Variants in SS18L1 observed in about 807,000 individuals in gnomAD.
The protein encoded by SS18L1 is SS18L1 subunit of BAF chromatin remodeling complex.
SS18L1 carries 32 observed loss-of-function variants against 70.3 expected under a neutral mutation model. The observed-to-expected ratio is 0.46, with a 90% CI of 0.34 to 0.61. The LOEUF is 0.61. SS18L1 is among the 20% of genes least tolerant of loss of function. The pLI, the probability that SS18L1 is intolerant of heterozygous loss-of-function variation, is 0.01. For synonymous variants in SS18L1, 237 were observed against 229.7 expected (o/e 1.03, Z -0.29); for missense variants, 430 against 542.1 (o/e 0.79, Z 2.05).
At position 62,181,741 on chromosome 20, in the gene SS18L1, C is replaced by T. The variant is rs372611129; in HGVS notation, c.*2533C>T. 2 of 224,024 alleles carry T rather than the reference C, an allele frequency of 8.9e-6. No homozygotes were observed. The highest frequency in any genetic ancestry group is 4.5e-5 in the African/African-American group (2 of 44,712). 13.9% of individuals were successfully genotyped at this position (224,024 alleles called of 1,614,324 possible). On this transcript the variant is annotated 3_prime_UTR_variant, in exon 11 of 11. Coordinates refer to ENST00000331758, the MANE Select transcript of SS18L1 (RefSeq NM_198935.3). ...TGTAATATTATGGGGAAAGTGATGCCAGCAGTTCCTTTTCATTATTCTATC... is the reference window on the plus strand; with the variant it reads ...TGTAATATTATGGGGAAAGTGATGCTAGCAGTTCCTTTTCATTATTCTATC...
intron 5 of SS18L1, 22 bp downstream of exon 5, chr20:62,162,953 C>T: frequency 2.5e-6 from 4 of 1,609,318 alleles, no homozygotes; most frequent in Non-Finnish European, 3.4e-6. Context: ...GCCTCTGCAA[C>T]CCCGGGGGGC....
chr20:62,165,440 A>G lies in SS18L1; in HGVS notation c.842A>G (p.Tyr281Cys). 1 of 1,612,842 alleles carries G rather than the reference A, an allele frequency of 6.2e-7. No individual in the cohort carries two copies. The highest frequency in any genetic ancestry group is 1.3e-5 in the African/African-American group (1 of 75,042). Residue 281 changes from tyrosine to cysteine, a missense_variant, in exon 8 of 11, where the codon TAC becomes TGC. Physicochemically the swap from Tyr to Cys is radical, Grantham distance 194. Coordinates refer to ENST00000331758, the MANE Select transcript of SS18L1 (RefSeq NM_198935.3). ...YYPDGHGDYA[Y>C]QQSSYTEQSY... The stretch of plus-strand genomic sequence containing the variant: ...CGCACAGGCCATGGCGATTACGCCT[A>G]CCAGCAGTCATCCTACACGGAGCAG...
chr20:62,182,484 C>T lies in SS18L1; in HGVS notation c.*3276C>T, dbSNP rs141316717. The T allele has an allele frequency of 5.4e-6, 1 of 186,726 alleles. No individual in the cohort carries two copies. The allele number at this position is 186,726 out of a possible 1,614,324, so 11.6% of individuals were successfully genotyped here. A position where few individuals can be genotyped will look rare whatever the true frequency, so the allele number is the denominator to read the frequency against. ...CTTAATAAACTGGTTCTTCAAAAAT[C>T]ATCCTATAAAGTGAGTTTTCATGAA... On this transcript the variant is annotated 3_prime_UTR_variant, in exon 11 of 11. Coordinates refer to ENST00000331758, the MANE Select transcript of SS18L1 (RefSeq NM_198935.3).
chr20:62,162,961 G>A, intron 5 of SS18L1, 30 bp downstream of exon 5: 1 of 1,605,282 alleles, frequency 6.2e-7, no homozygotes, highest in Middle Eastern at 1.7e-4. Context: ...AACCCCGGGG[G>A]GCCTGGGCCT....
At chr20:62,160,386 G>GTGGGGAGAGGTGGGA (rs1391423084) in intron 3 of SS18L1, among the ~76,000 whole-genome samples, 2 of 135,388 alleles carry the variant, frequency 1.5e-5, no homozygotes, top group East Asian at 2.2e-4. Flanking sequence ...GAGAGGTGGG[G>GTGGGGAGAGGTGGGA]TGGGGAGAGG....
rs201359766 is a variant in SS18L1 at position 62,182,386 on chromosome 20, AAAC to A, written c.*3180_*3182del. 6.6e-3 allele frequency: 1,345 copies of A among 203,788 alleles called. 14 individuals are homozygous for A. The highest frequency in any genetic ancestry group is 0.029 in the African/African-American group (1,275 of 43,474). The allele number at this position is 203,788 out of a possible 1,614,324, so 12.6% of individuals were successfully genotyped here. A position where few individuals can be genotyped will look rare whatever the true frequency, so the allele number is the denominator to read the frequency against. Reference sequence around the variant, plus strand: ...TATTTGTGAGTACAGTACATTTAAAAAACATCCTTATCGGTTATTTTTTTTTCA... The same window carrying A: ...TATTTGTGAGTACAGTACATTTAAAAATCCTTATCGGTTATTTTTTTTTCA... On this transcript the variant is annotated 3_prime_UTR_variant, in exon 11 of 11. Coordinates refer to ENST00000331758, the MANE Select transcript of SS18L1 (RefSeq NM_198935.3).
chr20:62,173,337 CGTG>C (rs11469669), intron 9 of SS18L1, among the ~76,000 whole-genome samples: 13,574 of 152,216 alleles, frequency 0.089, 728 homozygotes, highest in South Asian at 0.2. Flanking sequence ...GCTCCACACA[CGTG>C]GTTTCTTATG....
intron 1 of SS18L1, among the ~76,000 whole-genome samples, chr20:62,144,815 C>T (rs2056994389): frequency 6.6e-6 from 1 of 152,252 alleles, no homozygotes; most frequent in South Asian, 2.1e-4. Context: ...GTCACAACAT[C>T]TGTTGGAATG....
chr20:62,160,527 C>T (rs1382390109), intron 3 of SS18L1, among the ~76,000 whole-genome samples: 1 of 152,178 alleles, frequency 6.6e-6, no homozygotes, highest in African/African-American at 2.4e-5. Context: ...ATGCCCAGCA[C>T]AGTAAATTCT....
intron 10 of SS18L1, among the ~76,000 whole-genome samples, chr20:62,176,085 T>C (rs565964788): frequency 1.3e-4 from 20 of 152,380 alleles, no homozygotes; most frequent in African/African-American, 4.3e-4. Flanking sequence ...ATTAGAATTA[T>C]ATGTGAATGA....
intron 8 of SS18L1, among the ~76,000 whole-genome samples, chr20:62,171,897 T>C (rs956918580): frequency 6.6e-6 from 1 of 152,156 alleles, no homozygotes; most frequent in African/African-American, 2.4e-5. Flanking sequence ...GCACCGTGGC[T>C]CACGCCTGTA....
At position 62,162,656 on chromosome 20, in the gene SS18L1, C is replaced by T. The variant is rs2057350317; in HGVS notation, c.377-96C>T. 7.3e-6 allele frequency: 10 copies of T among 1,368,706 alleles called. 1 individual carries two copies. Among genetic ancestry groups the T allele is most frequent in the South Asian group, 4.3e-5 (3 of 69,792 alleles). The allele number at this position is 1,368,706 out of a possible 1,614,324, so 84.8% of individuals were successfully genotyped here. A position where few individuals can be genotyped will look rare whatever the true frequency, so the allele number is the denominator to read the frequency against. On this transcript the variant is annotated intron_variant, in intron 4 of 10. Transcript: ENST00000331758. The stretch of plus-strand genomic sequence containing the variant: ...ATAGTGCTGTTGATAGCAACTCTTC[C>T]CAAAGTCACTTGAAGGGAAATTGGG...
rs2057267163 is a variant in SS18L1 at position 62,158,660 on chromosome 20, C to T, written c.70-12C>T. Reference sequence around the variant, plus strand: ...CCCGCGTCGGCAGCGCCCGCTCACGCTCTCTCCGCAGATGCTGGACGAGAA... The same window carrying T: ...CCCGCGTCGGCAGCGCCCGCTCACGTTCTCTCCGCAGATGCTGGACGAGAA... On this transcript the variant is annotated splice_polypyrimidine_tract_variant and intron_variant, in intron 1 of 10. Transcript: ENST00000331758. This position sits in a 1 kb window ranked among gnomAD's most constrained non-coding sequence, Gnocchi z 4.5. 2 of 1,612,062 alleles carry T rather than the reference C, an allele frequency of 1.2e-6. No individual in the cohort carries two copies. The highest frequency in any genetic ancestry group is 1.7e-6 in the Non-Finnish European group (2 of 1,179,936).
At chr20:62,155,549 G>C (rs1174971725) in intron 1 of SS18L1, among the ~76,000 whole-genome samples, 1 of 152,198 alleles carries the variant, frequency 6.6e-6, no homozygotes, top group East Asian at 1.9e-4. Flanking sequence ...CGGATTGGAG[G>C]CCGGGGCACT....
At chr20:62,170,383 G>C (rs542895921) in intron 8 of SS18L1, among the ~76,000 whole-genome samples, 1 of 152,368 alleles carries the variant, frequency 6.6e-6, no homozygotes, top group South Asian at 2.1e-4. Context: ...GCGGGCGCCT[G>C]TTGTCCCAGC....
intron 3 of SS18L1, 148 bp downstream of exon 3, chr20:62,160,109 G>A (rs948459301): frequency 4.8e-6 from 4 of 826,104 alleles, no homozygotes; most frequent in Non-Finnish European, 7.6e-6. Context: ...TGGGAGTGTG[G>A]GCGGTGGTGA....
chr20:62,144,561 C>G (rs561944141), intron 1 of SS18L1, among the ~76,000 whole-genome samples: 2,081 of 152,338 alleles, frequency 0.014, 19 homozygotes, highest in Non-Finnish European at 0.02. Flanking sequence ...GCGGCTACGC[C>G]GGGTTTCAGC....
chr20:62,167,978 G>GC (rs1345164147), intron 8 of SS18L1, among the ~76,000 whole-genome samples: 2 of 131,618 alleles, frequency 1.5e-5, no homozygotes, highest in African/African-American at 6.7e-5. Flanking sequence ...ACCAGGCCTG[G>GC]CTTTTTTTTT....
At position 62,154,528 on chromosome 20, in the gene SS18L1, G is replaced by A. The variant is rs374954648; in HGVS notation, c.70-4144G>A. 290 of 1,016,446 alleles carry A rather than the reference G, an allele frequency of 2.9e-4. 2 individuals carry two copies. The African/African-American group carries it at 3.6e-3, about 13-fold the overall frequency. 63.0% of individuals were successfully genotyped at this position (1,016,446 alleles called of 1,614,324 possible). A position where few individuals can be genotyped will look rare whatever the true frequency, so the allele number is the denominator to read the frequency against. On this transcript the variant is annotated intron_variant, in intron 1 of 10. Transcript: ENST00000331758. ...GGCCATCGGCCCCCCAGAGGTCTCC[G>A]TTGGGACTGGGTCATCACACCTCAG...
Sources: gnomAD v4.1 joint callset for allele counts (sites outside exome capture counted in the v4.1 genomes callset) on GRCh38, gnomAD v4.1.1 for gene constraint, Gnocchi (gnomAD v3.1) non-coding constraint, MANE v1.5 for transcripts, NCBI Gene and HGNC (gene_info 2026-07-23, HGNC 2026-07-21) for gene names.